Variants in SLC24A3 observed in about 807,000 individuals in gnomAD.
SLC24A3 encodes the protein sodium/potassium/calcium exchanger 3.
In SLC24A3, 28 loss-of-function variants were observed where a neutral mutation model predicts 75.8. The ratio of observed to expected loss-of-function variants is 0.37; its 90% confidence interval spans 0.27 to 0.51. The LOEUF (loss-of-function observed/expected upper bound fraction) is 0.51. SLC24A3 is among the 20% of genes least tolerant of loss of function. The probability of loss-of-function intolerance (pLI) is 0.94; values close to 1 mark genes in which losing one functional copy is unlikely to be tolerated. For missense variants in SLC24A3, 663 were observed against 847.8 expected, an observed-to-expected ratio of 0.78 and a Z score of 2.71; for synonymous variants, 372 against 334.1, an observed-to-expected ratio of 1.11 and a Z score of -1.24.
chr20:19,444,021 T>C (rs1394328056), intron 2 of SLC24A3, among the ~76,000 whole-genome samples: 1 of 152,226 alleles, frequency 6.6e-6, no homozygotes, highest in Admixed American at 6.5e-5. Flanking sequence ...CTTAGTTTCC[T>C]GAGAGTTTTT....
At chr20:19,710,428 T>C (rs1913723456) in intron 15 of SLC24A3, among the ~76,000 whole-genome samples, 1 of 152,232 alleles carries the variant, frequency 6.6e-6, no homozygotes, top group Admixed American at 6.5e-5. Flanking sequence ...ACTTTGGAAC[T>C]AGCCACCCTC....
At chr20:19,568,098 C>A (rs1295537516) in intron 3 of SLC24A3, among the ~76,000 whole-genome samples, 1 of 152,200 alleles carries the variant, frequency 6.6e-6, no homozygotes, top group East Asian at 1.9e-4. Context: ...CCACTTCACA[C>A]CTATTAGGAT....
At chr20:19,587,636 A>G (rs1353730790) in intron 6 of SLC24A3, among the ~76,000 whole-genome samples, 1 of 152,216 alleles carries the variant, frequency 6.6e-6, no homozygotes, top group Non-Finnish European at 1.5e-5. Flanking sequence ...CAGAGGAAGC[A>G]AAATTATGTT....
intron 6 of SLC24A3, among the ~76,000 whole-genome samples, chr20:19,622,740 T>C (rs181681279): frequency 6.6e-5 from 10 of 152,324 alleles, no homozygotes; most frequent in Non-Finnish European, 1.5e-4. Flanking sequence ...AAGAAATACC[T>C]GAGGCTGGGT....
chr20:19,555,892 G>C (rs6075532), intron 3 of SLC24A3, among the ~76,000 whole-genome samples: 12,211 of 152,170 alleles, frequency 0.08, 564 homozygotes, highest in Middle Eastern at 0.12. Context: ...GTCAATTCAG[G>C]CTGAAATAAT....
Position 19,696,140 on chromosome 20 carries a change from C to G in SLC24A3, c.1492-657C>G, listed in dbSNP as rs571370970. 7.9e-5 allele frequency among the ~76,000 whole-genome samples: 12 copies of G among 151,410 alleles called. 1 individual carries two copies. The highest frequency in any genetic ancestry group is 2.1e-4 in the South Asian group (1 of 4,792). ...TCAAGCCATCCTCCTGCCTCAGCCTCTCAAGGAGCTGGGACCACAGACATA... is the reference window on the plus strand; with the variant it reads ...TCAAGCCATCCTCCTGCCTCAGCCTGTCAAGGAGCTGGGACCACAGACATA... On this transcript the variant is annotated intron_variant, in intron 13 of 16. Transcript: ENST00000328041.
rs1373230913 is a variant in SLC24A3, at chr20:19,572,158, G to C, written c.349-7842G>C. Among the ~76,000 whole-genome samples, 4 of 152,102 alleles carry C rather than the reference G, an allele frequency of 2.6e-5. No individual in the cohort carries two copies. The East Asian group carries it at 7.7e-4, about 29-fold the overall frequency. On this transcript the variant is annotated intron_variant, in intron 3 of 16. Coordinates refer to ENST00000328041, the MANE Select transcript of SLC24A3 (RefSeq NM_020689.4). ...TCAACACCAGCCTTGGCAACATAGG[G>C]AGGAGCCCCCTCCCCCTCTAAAAAT...
At chr20:19,639,007 C>T (rs982755749) in intron 6 of SLC24A3, among the ~76,000 whole-genome samples, 4 of 152,162 alleles carry the variant, frequency 2.6e-5, no homozygotes, top group Non-Finnish European at 5.9e-5. Flanking sequence ...GAAGGGGACC[C>T]CAGTGGGTTG....
intron 3 of SLC24A3, among the ~76,000 whole-genome samples, chr20:19,517,869 G>A (rs2030025898): frequency 6.6e-6 from 1 of 152,160 alleles, no homozygotes; most frequent in Admixed American, 6.5e-5. Context: ...GGGCAGAGCA[G>A]CAGGGCAGAG....
intron 2 of SLC24A3, among the ~76,000 whole-genome samples, chr20:19,347,099 C>A (rs1279263511): frequency 6.6e-6 from 1 of 152,006 alleles, no homozygotes; most frequent in Non-Finnish European, 1.5e-5. Flanking sequence ...TATTGCTCAG[C>A]AAAAGAAGCC....
chr20:19,633,454 C>T lies in SLC24A3; in HGVS notation c.613-20608C>T, dbSNP rs1429492926. Among the ~76,000 whole-genome samples, 5 of 151,918 alleles carry T rather than the reference C, an allele frequency of 3.3e-5. No individual in the cohort carries two copies. In the East Asian group the frequency reaches 9.7e-4, roughly 29 times the overall value. On this transcript the variant is annotated intron_variant, in intron 6 of 16. Coordinates refer to ENST00000328041, the MANE Select transcript of SLC24A3 (RefSeq NM_020689.4). ...CACGAGGTCAGGAGATCGAGACCAT[C>T]CCGGCTAAACCGGTGAAACCCCGTC...
chr20:19,686,776 G>A (rs1397366550), intron 12 of SLC24A3, among the ~76,000 whole-genome samples: 1 of 152,124 alleles, frequency 6.6e-6, no homozygotes, highest in Non-Finnish European at 1.5e-5. Context: ...GCCTCTTCAA[G>A]AACTTATCAG....
rs1486038470 is a variant in SLC24A3, at chr20:19,717,679, C to T, written c.1785+86C>T. The T allele has an allele frequency of 1.8e-5, 27 of 1,489,258 alleles. No homozygotes were observed. In the Admixed American group the frequency reaches 4.6e-4, roughly 25 times the overall value. The allele number at this position is 1,489,258 out of a possible 1,614,324, so 92.3% of individuals were successfully genotyped here. ...TTTGGAGACCAGATGAGCTTGGTCT[C>T]CTGGTGACTGGGTACAAGCAACCTC... On this transcript the variant is annotated intron_variant, in intron 16 of 16. Coordinates refer to ENST00000328041, the MANE Select transcript of SLC24A3 (RefSeq NM_020689.4).
intron 2 of SLC24A3, among the ~76,000 whole-genome samples, chr20:19,336,155 G>T (rs577880901): frequency 1.3e-5 from 2 of 152,256 alleles, no homozygotes; most frequent in East Asian, 3.9e-4. Context: ...CAGCATTACT[G>T]TGTATTTCCC....
chr20:19,573,335 A>C (rs186796165), intron 3 of SLC24A3, among the ~76,000 whole-genome samples: 4 of 152,304 alleles, frequency 2.6e-5, no homozygotes, highest in Admixed American at 2.6e-4. Context: ...ACTGTAGACA[A>C]AGTTCTTTAG....
At chr20:19,541,712 G>A in intron 3 of SLC24A3, among the ~76,000 whole-genome samples, 1 of 152,226 alleles carries the variant, frequency 6.6e-6, no homozygotes, top group East Asian at 1.9e-4. Context: ...ACCTGAGATT[G>A]TAAAAACTTT....
chr20:19,539,749 C>G (rs757358719), intron 3 of SLC24A3, among the ~76,000 whole-genome samples: 5 of 151,972 alleles, frequency 3.3e-5, no homozygotes, highest in Admixed American at 6.6e-5. Flanking sequence ...AAATGAAGAC[C>G]CAAAGACCCA....
intron 8 of SLC24A3, among the ~76,000 whole-genome samples, chr20:19,666,971 T>A (rs1309996782): frequency 1.3e-5 from 2 of 152,224 alleles, no homozygotes; most frequent in African/African-American, 2.4e-5. Flanking sequence ...GTAAGCAATG[T>A]GAAATAACAT....
At chr20:19,582,960 C>T (rs949590307) in intron 4 of SLC24A3, among the ~76,000 whole-genome samples, 3 of 152,092 alleles carry the variant, frequency 2.0e-5, no homozygotes, top group African/African-American at 7.2e-5. Flanking sequence ...AGCAGTGGGA[C>T]ATTTGAGCAG....
Sources: gnomAD v4.1 joint callset for allele counts (sites outside exome capture counted in the v4.1 genomes callset) on GRCh38, gnomAD v4.1.1 for gene constraint, MANE v1.5 for transcripts, NCBI Gene and HGNC (gene_info 2026-07-23, HGNC 2026-07-21) for gene names.